The following DNAJC7 variants were observed in gnomAD, a reference collection of about 807,000 sequenced individuals.
DNAJC7 encodes the protein dnaJ homolog subfamily C member 7.
DNAJC7 carries 18 observed loss-of-function variants against 67.4 expected under a neutral mutation model. That is an observed-to-expected ratio of 0.27 (90% CI 0.18 to 0.40). The LOEUF (loss-of-function observed/expected upper bound fraction) is 0.40. Ranked by LOEUF, DNAJC7 falls within the 10% of genes least tolerant of loss-of-function variation. DNAJC7 has a pLI of 1.00. For missense variants in DNAJC7, 419 were observed against 613.8 expected (o/e 0.68, Z 3.35); for synonymous variants, 220 against 207.8 (o/e 1.06, Z -0.50).
chr17:41,997,170 C>G lies in DNAJC7; in HGVS notation c.236G>C (p.Arg79Pro). The G allele has an allele frequency of 6.2e-7, 1 of 1,613,930 alleles. No homozygotes were observed. The highest frequency in any genetic ancestry group is 8.5e-7 in the Non-Finnish European group (1 of 1,179,864). The change falls in exon 3 of 14, where the codon CGG (arginine) becomes CCG (proline). Residue 79 changes from arginine to proline, a missense_variant. This residue lies in a region of DNAJC7 where 179 missense variants were observed against 249.7 expected (regional missense o/e 0.72). Transcript: ENST00000457167. ...AATLMMLGRFREALGDAQQSV... is the reference protein window; with the variant it reads ...AATLMMLGRFPEALGDAQQSV... ...CTGTTGTGCATCTCCAAGAGCTTCC[C>G]GGAACCTTCCAAGCATCATCAAGGT...
At chr17:41,983,201 T>C (rs1285845380) in intron 10 of DNAJC7, among the ~76,000 whole-genome samples, 1 of 152,118 alleles carries the variant, frequency 6.6e-6, no homozygotes, top group Non-Finnish European at 1.5e-5. Context: ...CTTAGCTCAC[T>C]GCAACCTCCG....
At chr17:41,990,129 T>C (rs1304876636) in intron 6 of DNAJC7, 135 bp downstream of exon 6, 3 of 786,958 alleles carry the variant, frequency 3.8e-6, no homozygotes, top group Admixed American at 4.9e-5. Flanking sequence ...GTCTAATCTT[T>C]GACTTTAAGT....
Position 41,989,417 on chromosome 17 carries a change from C to T in DNAJC7, c.740G>A (p.Cys247Tyr). Residue 247 changes from cysteine (C) to tyrosine (Y), a missense_variant, in exon 7 of 14, where the codon TGC (cysteine) becomes TAC (tyrosine). Physicochemically the swap from Cys to Tyr is radical, Grantham distance 194. Coordinates refer to ENST00000457167, the MANE Select transcript of DNAJC7 (RefSeq NM_003315.4). ...LRMAPDHEKA[C>Y]IACRNAKALK... Reference sequence around the variant, plus strand: ...ACTAGAACTTACTCTGCAGGCAATGCAGGCCTTCTCGTGGTCAGGAGCCAT... The same window carrying T: ...ACTAGAACTTACTCTGCAGGCAATGTAGGCCTTCTCGTGGTCAGGAGCCAT... The T allele has an allele frequency of 6.2e-7, 1 of 1,613,980 alleles. No homozygotes were observed. Among genetic ancestry groups the T allele is most frequent in the Non-Finnish European group, 8.5e-7 (1 of 1,179,880 alleles).
At chr17:41,989,003 C>T in intron 7 of DNAJC7, 107 bp from the exon 8 acceptor site, 3 of 1,356,764 alleles carry the variant, frequency 2.2e-6, no homozygotes, top group Non-Finnish European at 3.0e-6. Context: ...AGCAGTTCAG[C>T]ATCACAGAGC....
At chr17:42,005,056 G>A (rs1334877744) in intron 1 of DNAJC7, among the ~76,000 whole-genome samples, 1 of 152,130 alleles carries the variant, frequency 6.6e-6, no homozygotes, top group African/African-American at 2.4e-5. Context: ...TAAGAAAACT[G>A]CAGCTTTGAA....
chr17:42,002,343 G>C (rs1334418493), intron 1 of DNAJC7, among the ~76,000 whole-genome samples: 1 of 152,206 alleles, frequency 6.6e-6, no homozygotes, highest in African/African-American at 2.4e-5. Flanking sequence ...AAGACATCTA[G>C]GTACCTGGGG....
chr17:41,976,659 A>G lies in DNAJC7; in HGVS notation c.*74T>C. 1 of 1,568,532 alleles carries G rather than the reference A, an allele frequency of 6.4e-7. No homozygotes were observed. The highest frequency in any genetic ancestry group is 1.8e-5 in the Admixed American group (1 of 54,432). ...CACACGGAGACGTGATGAAGGGAGG[A>G]GGTGAACTGTTTCCACATTCAAGAT... On this transcript the variant is annotated 3_prime_UTR_variant, in exon 14 of 14. Transcript: ENST00000457167.
chr17:41,986,049 A>AAAAAAAAAAAAAAAAAC, intron 9 of DNAJC7: 1 of 86,672 alleles, frequency 1.2e-5, no homozygotes, highest in Non-Finnish European at 2.1e-5. Context: ...GGCTTGCTTA[A>AAAAAAAAAAAAAAAAAC]AAAAAAAAAA....
chr17:41,995,169 G>C (rs1013933333), intron 4 of DNAJC7, among the ~76,000 whole-genome samples: 2 of 152,168 alleles, frequency 1.3e-5, no homozygotes, highest in South Asian at 2.1e-4. Context: ...GCATTCCCTA[G>C]AGAGAGGTGG....
intron 7 of DNAJC7, 90 bp downstream of exon 7, chr17:41,989,314 T>G: frequency 6.7e-7 from 1 of 1,490,984 alleles, no homozygotes; most frequent in Non-Finnish European, 9.1e-7. Context: ...GCTATCACAT[T>G]CCTTGTGATT....
At chr17:41,999,035 A>T (rs1451686435) in intron 2 of DNAJC7, among the ~76,000 whole-genome samples, 1 of 152,042 alleles carries the variant, frequency 6.6e-6, no homozygotes, top group Non-Finnish European at 1.5e-5. Flanking sequence ...TAAAAAATTT[A>T]AAGAGTTAAA....
intron 9 of DNAJC7, 46 bp from the exon 10 acceptor site, chr17:41,983,682 A>G: frequency 6.5e-7 from 1 of 1,539,060 alleles, no homozygotes. Flanking sequence ...CATAAATAGC[A>G]GTGGTTCTCA....
rs188154692 is a variant in DNAJC7 at position 41,982,242 on chromosome 17, G to T, written c.1231+13C>A. ...GTTCTTCCCACTGAGCCCACTCCCC[G>T]CACCTACTCTACCTGGATGGTGCAT... is the stretch of plus-strand genomic sequence containing the variant. On this transcript the variant is annotated intron_variant, in intron 11 of 13. Transcript: ENST00000457167. 15 of 1,613,626 alleles carry T rather than the reference G, an allele frequency of 9.3e-6. No individual in the cohort carries two copies. Among genetic ancestry groups the T allele is most frequent in the Non-Finnish European group, 1.1e-5 (13 of 1,179,812 alleles).
intron 5 of DNAJC7, among the ~76,000 whole-genome samples, chr17:41,994,327 C>T (rs1555648261): frequency 6.6e-6 from 1 of 151,304 alleles, no homozygotes; most frequent in Non-Finnish European, 1.5e-5. Flanking sequence ...CAGAGTGAAA[C>T]TCCATCTCAA....
chr17:42,004,038 C>T (rs1329430933), intron 1 of DNAJC7, among the ~76,000 whole-genome samples: 1 of 148,746 alleles, frequency 6.7e-6, no homozygotes, highest in South Asian at 2.1e-4. Flanking sequence ...TCACTGCAGC[C>T]TCTGCCTCCT....
intron 2 of DNAJC7, among the ~76,000 whole-genome samples, chr17:41,997,739 G>A (rs1221067463): frequency 3.9e-5 from 6 of 152,318 alleles, no homozygotes; most frequent in Admixed American, 3.9e-4. Flanking sequence ...ACAGTGCTGT[G>A]GTGCTATCTC....
intron 5 of DNAJC7, among the ~76,000 whole-genome samples, chr17:41,993,974 C>T (rs1294262781): frequency 1.3e-5 from 2 of 149,950 alleles, no homozygotes; most frequent in East Asian, 2.0e-4. Flanking sequence ...ACCTGGGAGG[C>T]GGAGGTTGCA....
chr17:41,982,768 G>A (rs1363989582), intron 10 of DNAJC7, among the ~76,000 whole-genome samples: 1 of 152,120 alleles, frequency 6.6e-6, no homozygotes, highest in African/African-American at 2.4e-5. Flanking sequence ...GGACTAGCCT[G>A]TCCAACATGG....
At position 42,007,895 on chromosome 17, in the gene DNAJC7, G is replaced by C. The variant is rs112272011; in HGVS notation, c.78-7325C>G. 5.4e-3 allele frequency among the ~76,000 whole-genome samples: 793 copies of C among 146,056 alleles called. 5 individuals are homozygous for C. The highest frequency in any genetic ancestry group is 0.02 in the African/African-American group (762 of 39,048). ...AATTTCGCTCTTGTTGCCCAGGCTG[G>C]AGTGCAATGGCGTGATCTCAGCTCA... On this transcript the variant is annotated intron_variant, in intron 1 of 13. Transcript: ENST00000457167.
Sources: allele counts gnomAD v4.1 joint callset (sites outside exome capture counted in the v4.1 genomes callset), GRCh38; gene constraint gnomAD v4.1.1; regional missense constraint gnomAD v4.1.1; transcripts MANE v1.5; gene names NCBI Gene and HGNC (gene_info 2026-07-23, HGNC 2026-07-21).